Variants in SGCZ observed in about 807,000 individuals in gnomAD.
SGCZ encodes sarcoglycan zeta.
A neutral mutation model predicts 41.3 loss-of-function variants in SGCZ; 40 were observed. That is an observed-to-expected ratio of 0.97 (90% CI 0.75 to 1.26). SGCZ has a LOEUF of 1.26. Ranked by LOEUF, SGCZ falls within the 50% of genes most tolerant of loss-of-function variation. The pLI is 0.00. For missense variants in SGCZ, 552 were observed against 369.8 expected (o/e 1.49, Z -4.04); for synonymous variants, 206 against 137.5 (o/e 1.50, Z -3.49).
Position 14,697,287 on chromosome 8 carries a change from T to C in SGCZ, c.40-142361A>G, listed in dbSNP as rs796520116. Among the ~76,000 whole-genome samples the C allele has an allele frequency of 9.9e-5, 15 of 152,140 alleles. 1 individual carries two copies. The highest frequency in any genetic ancestry group is 3.6e-4 in the African/African-American group (15 of 41,544). On this transcript the variant is annotated intron_variant, in intron 1 of 7. Coordinates refer to ENST00000382080, the MANE Select transcript of SGCZ (RefSeq NM_139167.4). Reference sequence around the variant, plus strand: ...CATGCCAGAAATGACTCTTGGCAAATCTCTCTGAGCCTGTTTCTGTATTTG... The same window carrying C: ...CATGCCAGAAATGACTCTTGGCAAACCTCTCTGAGCCTGTTTCTGTATTTG...
chr8:14,635,004 T>C (rs1217016237), intron 1 of SGCZ, among the ~76,000 whole-genome samples: 1 of 151,938 alleles, frequency 6.6e-6, no homozygotes, highest in East Asian at 1.9e-4. Flanking sequence ...TTAACTTTTA[T>C]ACATAGGCTT....
chr8:14,630,342 G>C (rs1806605215), intron 1 of SGCZ, among the ~76,000 whole-genome samples: 1 of 151,896 alleles, frequency 6.6e-6, no homozygotes, highest in Non-Finnish European at 1.5e-5. Flanking sequence ...TTGGAGGAGA[G>C]AGATGGCAAA....
intron 1 of SGCZ, among the ~76,000 whole-genome samples, chr8:15,053,666 AT>A (rs1471783980): frequency 6.6e-6 from 1 of 152,006 alleles, no homozygotes; most frequent in African/African-American, 2.4e-5. Context: ...ACTTTTCTTT[AT>A]TTGGGGGGGT....
At chr8:14,592,418 A>G (rs572469162) in intron 1 of SGCZ, among the ~76,000 whole-genome samples, 2 of 152,202 alleles carry the variant, frequency 1.3e-5, no homozygotes, top group Non-Finnish European at 2.9e-5. Flanking sequence ...TATACATGCT[A>G]TATTTCATAT....
chr8:14,541,229 A>T (rs1485010417), intron 2 of SGCZ, among the ~76,000 whole-genome samples: 1 of 151,894 alleles, frequency 6.6e-6, no homozygotes, highest in Non-Finnish European at 1.5e-5. Context: ...GGTTTGCTGC[A>T]CCTATCAACC....
intron 1 of SGCZ, among the ~76,000 whole-genome samples, chr8:15,025,576 C>A (rs1331561716): frequency 6.6e-6 from 1 of 152,170 alleles, no homozygotes; most frequent in African/African-American, 2.4e-5. Context: ...AAATCCCATT[C>A]TCCTGAAGTG....
At chr8:14,377,779 G>A (rs1195083285) in intron 2 of SGCZ, among the ~76,000 whole-genome samples, 1 of 151,210 alleles carries the variant, frequency 6.6e-6, no homozygotes, top group African/African-American at 2.4e-5. Flanking sequence ...AATATGCGGT[G>A]TTTGGTTTTT....
chr8:14,177,820 G>A (rs1245697817), intron 4 of SGCZ, among the ~76,000 whole-genome samples: 1 of 151,274 alleles, frequency 6.6e-6, no homozygotes. Context: ...CACTGCGCCC[G>A]GCCCTCTGTT....
At chr8:14,444,439 C>T (rs1317750393) in intron 2 of SGCZ, among the ~76,000 whole-genome samples, 2 of 151,880 alleles carry the variant, frequency 1.3e-5, no homozygotes, top group African/African-American at 4.8e-5. Context: ...TAGACTGGAT[C>T]AAGAAAATGT....
At chr8:14,831,765 CATAT>C (rs1216420875) in intron 1 of SGCZ, among the ~76,000 whole-genome samples, 2 of 37,104 alleles carry the variant, frequency 5.4e-5, no homozygotes, top group African/African-American at 8.9e-5. Flanking sequence ...TAAACATATA[CATAT>C]ATACACACAC....
intron 2 of SGCZ, among the ~76,000 whole-genome samples, chr8:14,341,801 C>T (rs1308697554): frequency 6.6e-6 from 1 of 152,150 alleles, no homozygotes; most frequent in Non-Finnish European, 1.5e-5. Flanking sequence ...TTTTCTCTTG[C>T]CACCACCATG....
At chr8:14,739,968 A>C (rs1415629904) in intron 1 of SGCZ, among the ~76,000 whole-genome samples, 1 of 152,036 alleles carries the variant, frequency 6.6e-6, no homozygotes, top group Non-Finnish European at 1.5e-5. Context: ...GCATATGGAA[A>C]TGGTCTCCCT....
intron 1 of SGCZ, among the ~76,000 whole-genome samples, chr8:14,613,189 G>A (rs1376724952): frequency 6.6e-6 from 1 of 152,138 alleles, no homozygotes; most frequent in Non-Finnish European, 1.5e-5. Context: ...GGACCTAAAT[G>A]AGAGGTCACA....
At chr8:14,730,683 G>A (rs926682719) in intron 1 of SGCZ, among the ~76,000 whole-genome samples, 2 of 151,730 alleles carry the variant, frequency 1.3e-5, no homozygotes, top group Non-Finnish European at 2.9e-5. Context: ...TCTTTATTAT[G>A]TCACCGGGGA....
intron 1 of SGCZ, among the ~76,000 whole-genome samples, chr8:15,099,217 T>C (rs1193457087): frequency 1.3e-5 from 2 of 152,224 alleles, no homozygotes; most frequent in Non-Finnish European, 2.9e-5. Context: ...ATTGGCCTTG[T>C]GTCTTCAATA....
At chr8:14,266,265 C>A (rs113380802) in intron 3 of SGCZ, among the ~76,000 whole-genome samples, 18 of 152,114 alleles carry the variant, frequency 1.2e-4, no homozygotes, top group African/African-American at 3.6e-4. Context: ...AGGGATGAAG[C>A]AATACAAATA....
intron 1 of SGCZ, among the ~76,000 whole-genome samples, chr8:14,812,425 C>T (rs989260067): frequency 1.3e-5 from 2 of 152,030 alleles, no homozygotes; most frequent in African/African-American, 4.8e-5. Flanking sequence ...ATATTTATTA[C>T]AGAGTATTTG....
intron 3 of SGCZ, among the ~76,000 whole-genome samples, chr8:14,265,856 G>C (rs1013810503): frequency 1.3e-5 from 2 of 151,614 alleles, no homozygotes; most frequent in Admixed American, 6.6e-5. Flanking sequence ...ACAGTAAAGA[G>C]CATCAATAGC....
At chr8:14,833,001 T>G (rs1324141438) in intron 1 of SGCZ, among the ~76,000 whole-genome samples, 1 of 151,984 alleles carries the variant, frequency 6.6e-6, no homozygotes, top group Non-Finnish European at 1.5e-5. Context: ...ATTCCTTTTA[T>G]TTTTATTGTA....
Sources: gnomAD v4.1 joint callset for allele counts (sites outside exome capture counted in the v4.1 genomes callset) on GRCh38, gnomAD v4.1.1 for gene constraint, MANE v1.5 for transcripts, NCBI Gene and HGNC (gene_info 2026-07-23, HGNC 2026-07-21) for gene names.